The following HCN1 variants were observed in gnomAD, a reference collection of about 807,000 sequenced individuals.
HCN1 encodes hyperpolarization activated cyclic nucleotide gated potassium channel 1, also known as potassium/sodium hyperpolarization-activated cyclic nucleotide-gated channel 1.
HCN1 carries 13 observed loss-of-function variants against 78.9 expected under a neutral mutation model. That is an observed-to-expected ratio of 0.16 (90% confidence interval 0.11 to 0.26). HCN1 has a LOEUF of 0.26. HCN1 is among the 10% of genes least tolerant of loss of function. The pLI, the probability that HCN1 is intolerant of heterozygous loss-of-function variation, is 1.00. For synonymous variants in HCN1, 552 were observed against 455.5 expected (o/e 1.21, Z -2.70); for missense variants, 810 against 1,154.3 (o/e 0.70, Z 4.32).
intron 2 of HCN1, among the ~76,000 whole-genome samples, chr5:45,524,397 G>T (rs1465060227): frequency 6.6e-6 from 1 of 152,116 alleles, no homozygotes; most frequent in Non-Finnish European, 1.5e-5. Context: ...ATTCTGTGAA[G>T]AAAGTCATTG....
At chr5:45,285,107 C>T (rs948848334) in intron 6 of HCN1, among the ~76,000 whole-genome samples, 6 of 151,942 alleles carry the variant, frequency 3.9e-5, no homozygotes, top group African/African-American at 1.4e-4. Flanking sequence ...GGTGAAGGAG[C>T]AGAAGTAGCT....
At chr5:45,389,505 G>T (rs540342776) in intron 4 of HCN1, among the ~76,000 whole-genome samples, 95 of 152,202 alleles carry the variant, frequency 6.2e-4, no homozygotes, top group Non-Finnish European at 2.2e-4. Flanking sequence ...TATATTACAA[G>T]AAGCTTGATG....
chr5:45,567,879 A>T (rs1409462558), intron 2 of HCN1, among the ~76,000 whole-genome samples: 2 of 148,672 alleles, frequency 1.3e-5, no homozygotes, highest in African/African-American at 5.0e-5. Flanking sequence ...TGTAAAATGC[A>T]TAACACCTCT....
chr5:45,298,943 G>T (rs1579789757), intron 6 of HCN1, among the ~76,000 whole-genome samples: 1 of 151,936 alleles, frequency 6.6e-6, no homozygotes, highest in East Asian at 1.9e-4. Flanking sequence ...GATGAGAATG[G>T]TACTTTAAGT....
intron 3 of HCN1, among the ~76,000 whole-genome samples, chr5:45,453,147 T>TATA (rs1428142964): frequency 2.0e-5 from 3 of 152,072 alleles, no homozygotes; most frequent in Non-Finnish European, 4.4e-5. Flanking sequence ...TTTAAGTCTA[T>TATA]ATAAGTCTCT....
At chr5:45,581,270 G>T in intron 2 of HCN1, among the ~76,000 whole-genome samples, 1 of 152,164 alleles carries the variant, frequency 6.6e-6, no homozygotes, top group Non-Finnish European at 1.5e-5. Context: ...GTTTTGATTT[G>T]CATTTCTCTG....
At chr5:45,473,290 G>A in intron 2 of HCN1, among the ~76,000 whole-genome samples, 1 of 151,792 alleles carries the variant, frequency 6.6e-6, no homozygotes, top group East Asian at 1.9e-4. Context: ...CATCAACTAT[G>A]TTTCCTATAC....
At chr5:45,417,599 G>T (rs1459857557) in intron 3 of HCN1, among the ~76,000 whole-genome samples, 1 of 151,574 alleles carries the variant, frequency 6.6e-6, no homozygotes, top group Non-Finnish European at 1.5e-5. Context: ...ATAAAGCTGA[G>T]AATTTTTTAG....
At chr5:45,347,774 G>A (rs567067164) in intron 5 of HCN1, among the ~76,000 whole-genome samples, 1 of 152,116 alleles carries the variant, frequency 6.6e-6, no homozygotes, top group Non-Finnish European at 1.5e-5. Flanking sequence ...AGTGATGGAA[G>A]ATGAAATGAA....
intron 6 of HCN1, among the ~76,000 whole-genome samples, chr5:45,293,316 T>A (rs1382598009): frequency 6.6e-6 from 1 of 151,972 alleles, no homozygotes; most frequent in Admixed American, 6.6e-5. Context: ...GTTATCTCAT[T>A]GTGGTTTTGA....
At chr5:45,459,185 C>G (rs962139160) in intron 3 of HCN1, among the ~76,000 whole-genome samples, 1 of 151,890 alleles carries the variant, frequency 6.6e-6, no homozygotes, top group Non-Finnish European at 1.5e-5. Flanking sequence ...GGGAGGATCA[C>G]ATGACTCCAG....
chr5:45,361,250 C>G (rs541900050), intron 4 of HCN1, among the ~76,000 whole-genome samples: 3 of 152,028 alleles, frequency 2.0e-5, no homozygotes, highest in Admixed American at 6.6e-5. Context: ...GTTGGTCAGA[C>G]TGGTCACTGC....
intron 4 of HCN1, among the ~76,000 whole-genome samples, chr5:45,382,448 C>T (rs1041699125): frequency 1.3e-5 from 2 of 152,120 alleles, no homozygotes; most frequent in African/African-American, 4.8e-5. Context: ...CTGGATAACT[C>T]TCATTATTCT....
intron 2 of HCN1, among the ~76,000 whole-genome samples, chr5:45,513,135 T>C (rs1348860525): frequency 6.6e-6 from 1 of 152,142 alleles, no homozygotes; most frequent in Admixed American, 6.5e-5. Flanking sequence ...GCAAAACCCC[T>C]AGATTTTGGC....
chr5:45,638,146 G>T (rs1373812679), intron 2 of HCN1, among the ~76,000 whole-genome samples: 1 of 151,988 alleles, frequency 6.6e-6, no homozygotes, highest in Non-Finnish European at 1.5e-5. Flanking sequence ...AGAAGGAGAA[G>T]AACACTTTTT....
At chr5:45,581,044 T>C (rs1167948043) in intron 2 of HCN1, among the ~76,000 whole-genome samples, 10 of 152,216 alleles carry the variant, frequency 6.6e-5, no homozygotes, top group Non-Finnish European at 5.9e-5. Context: ...ACCCTTTGGG[T>C]ATCTACCCAG....
chr5:45,397,294 A>G (rs1284117854), intron 3 of HCN1, among the ~76,000 whole-genome samples: 2 of 152,168 alleles, frequency 1.3e-5, no homozygotes, highest in African/African-American at 4.8e-5. Context: ...TGTATATTGT[A>G]ATTTGTGTCA....
chr5:45,687,992 T>C (rs750676262), intron 1 of HCN1, among the ~76,000 whole-genome samples: 3 of 152,172 alleles, frequency 2.0e-5, no homozygotes, highest in Non-Finnish European at 1.5e-5. Context: ...AGTCTGGCTT[T>C]CCTGGAACTA....
chr5:45,374,447 C>G (rs1286094271), intron 4 of HCN1, among the ~76,000 whole-genome samples: 3 of 148,442 alleles, frequency 2.0e-5, no homozygotes, highest in African/African-American at 7.4e-5. Flanking sequence ...AAGACTGAAT[C>G]AAGAAGAAAT....
Sources: gnomAD v4.1 joint callset for allele counts (sites outside exome capture counted in the v4.1 genomes callset) on GRCh38, gnomAD v4.1.1 for gene constraint, MANE v1.5 for transcripts, NCBI Gene and HGNC (gene_info 2026-07-23, HGNC 2026-07-21) for gene names.